Variants in LRP1B observed in about 807,000 individuals in gnomAD.
LRP1B encodes LDL receptor related protein 1B, also known as low-density lipoprotein receptor-related protein 1B.
Under a neutral mutation model 556.6 loss-of-function variants are expected in LRP1B, and 217 were observed. The ratio of observed to expected loss-of-function variants is 0.39; its 90% CI spans 0.35 to 0.44. LRP1B has a LOEUF of 0.44. Ranked by LOEUF, LRP1B falls within the 20% of genes least tolerant of loss-of-function variation. LRP1B has a pLI of 1.00. For missense variants in LRP1B, 5,053 were observed against 5,620.8 expected, an observed-to-expected ratio of 0.90 and a Z score of 3.23; for synonymous variants, 2,047 against 1,865.8, an observed-to-expected ratio of 1.10 and a Z score of -2.50.
Position 141,240,759 on chromosome 2 carries a change from A to T in LRP1B, c.592+6467T>A, listed in dbSNP as rs139595749. Reference sequence around the variant, plus strand: ...AAAGTTTATTGACTGTCACACCTAGAGCCCATAAATATGGCCACGTAATTT... The same window carrying T: ...AAAGTTTATTGACTGTCACACCTAGTGCCCATAAATATGGCCACGTAATTT... On this transcript the variant is annotated intron_variant, in intron 5 of 90. Coordinates refer to ENST00000389484, the MANE Select transcript of LRP1B (RefSeq NM_018557.3). Among the ~76,000 whole-genome samples, 733 of 152,242 alleles carry T rather than the reference A, an allele frequency of 4.8e-3. 6 individuals carry two copies. Among genetic ancestry groups the T allele is most frequent in the African/African-American group, 0.017 (703 of 41,574 alleles).
chr2:140,861,804 C>A (rs941721862), intron 27 of LRP1B, among the ~76,000 whole-genome samples: 1 of 152,156 alleles, frequency 6.6e-6, no homozygotes, highest in Admixed American at 6.5e-5. Context: ...CCAATGAATG[C>A]ATTTATGTCT....
At chr2:141,754,426 G>A (rs558982474) in intron 2 of LRP1B, among the ~76,000 whole-genome samples, 14 of 152,244 alleles carry the variant, frequency 9.2e-5, no homozygotes, top group African/African-American at 3.4e-4. Flanking sequence ...CAATATTTCA[G>A]GGAATGGATT....
intron 3 of LRP1B, among the ~76,000 whole-genome samples, chr2:141,473,374 A>G (rs13394458): frequency 0.11 from 17,242 of 152,238 alleles, 1,204 homozygotes; most frequent in South Asian, 0.27. Context: ...ATAGTGGTAT[A>G]GGTCTTTCAA....
At chr2:141,460,501 T>C (rs1449167049) in intron 3 of LRP1B, among the ~76,000 whole-genome samples, 1 of 152,176 alleles carries the variant, frequency 6.6e-6, no homozygotes, top group Non-Finnish European at 1.5e-5. Context: ...GGAGTTTACG[T>C]TTCATTTTGA....
intron 2 of LRP1B, among the ~76,000 whole-genome samples, chr2:141,781,497 G>A (rs561949055): frequency 5.3e-5 from 8 of 152,200 alleles, no homozygotes; most frequent in African/African-American, 1.7e-4. Flanking sequence ...AAAAATAAAG[G>A]AGCACTCTAG....
intron 7 of LRP1B, among the ~76,000 whole-genome samples, chr2:141,087,073 T>C (rs1035103826): frequency 5.9e-5 from 9 of 152,228 alleles, no homozygotes; most frequent in Non-Finnish European, 1.0e-4. Flanking sequence ...TTCATCAATC[T>C]GAGTTTCAGA....
chr2:141,250,599 G>T (rs2714175), intron 4 of LRP1B, among the ~76,000 whole-genome samples: 54,172 of 151,892 alleles, frequency 0.36, 9,701 homozygotes, highest in South Asian at 0.47. Context: ...TTCTGTGAGT[G>T]GTTATAGTGA....
At chr2:141,523,208 A>G (rs1248154896) in intron 2 of LRP1B, among the ~76,000 whole-genome samples, 1 of 152,196 alleles carries the variant, frequency 6.6e-6, no homozygotes, top group Non-Finnish European at 1.5e-5. Flanking sequence ...AACATTAAAC[A>G]CTATTCCAAA....
chr2:141,958,052 C>T (rs2105048399), intron 1 of LRP1B, among the ~76,000 whole-genome samples: 1 of 152,154 alleles, frequency 6.6e-6, no homozygotes, highest in South Asian at 2.1e-4. Flanking sequence ...AAATTTTTCA[C>T]TCATGAGATT....
intron 2 of LRP1B, among the ~76,000 whole-genome samples, chr2:141,534,647 T>G (rs1211444073): frequency 6.6e-6 from 1 of 152,190 alleles, no homozygotes; most frequent in Admixed American, 6.5e-5. Flanking sequence ...AGGTCTCATT[T>G]GTACTTGCTG....
At chr2:140,366,789 C>G (rs140591478) in intron 71 of LRP1B, among the ~76,000 whole-genome samples, 97 of 151,816 alleles carry the variant, frequency 6.4e-4, no homozygotes, top group African/African-American at 2.2e-3. Context: ...GCCAACGTAT[C>G]TTTCCAGAAG....
intron 57 of LRP1B, among the ~76,000 whole-genome samples, chr2:140,489,846 A>G (rs1688627161): frequency 6.6e-6 from 1 of 152,078 alleles, no homozygotes; most frequent in Non-Finnish European, 1.5e-5. Flanking sequence ...CTTCTTTACA[A>G]TAATCAATTT....
At chr2:140,299,024 A>T (rs1683711866) in intron 83 of LRP1B, among the ~76,000 whole-genome samples, 1 of 152,152 alleles carries the variant, frequency 6.6e-6, no homozygotes, top group African/African-American at 2.4e-5. Flanking sequence ...AGTAGAGAAT[A>T]TTCAAGCCAT....
chr2:141,668,675 C>T lies in LRP1B; in HGVS notation c.205+141604G>A, dbSNP rs145695219. Among the ~76,000 whole-genome samples the T allele has an allele frequency of 5.9e-5, 9 of 152,302 alleles. No homozygotes were observed. In the East Asian group the frequency reaches 1.7e-3, roughly 29 times the overall value. ...CCACTCACAAAACCCCTGCATTCAC[C>T]ATCCTTCAAGTCCATGTATAATCTG... On this transcript the variant is annotated intron_variant, in intron 2 of 90. Transcript: ENST00000389484.
At chr2:141,874,943 G>T (rs1698707419) in intron 1 of LRP1B, among the ~76,000 whole-genome samples, 2 of 151,720 alleles carry the variant, frequency 1.3e-5, no homozygotes, top group East Asian at 1.9e-4. Flanking sequence ...TTAAACCCCT[G>T]TGTAGATTTT....
At chr2:140,643,714 A>G (rs1216637644) in intron 41 of LRP1B, among the ~76,000 whole-genome samples, 1 of 152,250 alleles carries the variant, frequency 6.6e-6, no homozygotes, top group African/African-American at 2.4e-5. Context: ...GAAAGTCATC[A>G]AAATCAAACA....
At chr2:140,803,290 T>TC (rs1553536783) in intron 32 of LRP1B, among the ~76,000 whole-genome samples, 1,176 of 115,174 alleles carry the variant, frequency 0.01, 22 homozygotes, top group South Asian at 0.037. Flanking sequence ...TTTTTTTTTT[T>TC]CCGAGATGGA....
intron 43 of LRP1B, among the ~76,000 whole-genome samples, chr2:140,571,559 AT>A (rs1681322502): frequency 6.6e-6 from 1 of 151,796 alleles, no homozygotes; most frequent in African/African-American, 2.4e-5. Context: ...AGATGAATCA[AT>A]ACTGTGAAAA....
chr2:140,461,000 T>A (rs1489811956), intron 60 of LRP1B, among the ~76,000 whole-genome samples: 8 of 149,818 alleles, frequency 5.3e-5, no homozygotes, highest in South Asian at 4.2e-4. Flanking sequence ...GAGGTGGAGG[T>A]TGCAGTGAGC....
Sources: allele counts gnomAD v4.1 joint callset (sites outside exome capture counted in the v4.1 genomes callset), GRCh38; gene constraint gnomAD v4.1.1; transcripts MANE v1.5; gene names NCBI Gene and HGNC (gene_info 2026-07-23, HGNC 2026-07-21).